Variants in PTPA observed in about 807,000 individuals in gnomAD.
PTPA encodes the protein protein phosphatase 2 phosphatase activator, also known as serine/threonine-protein phosphatase 2A activator.
Under a neutral mutation model 43.6 loss-of-function variants are expected in PTPA, and 13 were observed. That is an observed-to-expected ratio of 0.30 (90% CI 0.19 to 0.47). PTPA has a LOEUF of 0.47. Ranked by LOEUF, PTPA falls within the 20% of genes least tolerant of loss-of-function variation. The pLI, the probability that PTPA is intolerant of heterozygous loss-of-function variation, is 0.99. For synonymous variants in PTPA, 172 were observed against 158.2 expected (o/e 1.09, Z -0.66); for missense variants, 329 against 411.9 (o/e 0.80, Z 1.74).
chr9:129,140,579 C>T (rs1407201882), intron 8 of PTPA, among the ~76,000 whole-genome samples: 3 of 152,342 alleles, frequency 2.0e-5, no homozygotes, highest in Admixed American at 6.5e-5. Flanking sequence ...GGGCTCTTGT[C>T]TTCCAGTGCC....
At chr9:129,112,817 C>T (rs941480239) in intron 1 of PTPA, among the ~76,000 whole-genome samples, 4 of 152,014 alleles carry the variant, frequency 2.6e-5, no homozygotes, top group Non-Finnish European at 4.4e-5. Flanking sequence ...GACACACGCC[C>T]GTAATCCCAA....
intron 2 of PTPA, 101 bp from the exon 3 acceptor site, chr9:129,122,951 A>C (rs2131561760): frequency 1.2e-6 from 1 of 865,110 alleles, no homozygotes; most frequent in East Asian, 2.5e-5. Context: ...GGAGAAGTAG[A>C]AAGCTCGGAG....
intron 7 of PTPA, 130 bp from the exon 8 acceptor site, chr9:129,137,462 C>T: frequency 1.5e-6 from 1 of 655,980 alleles, no homozygotes; most frequent in Non-Finnish European, 2.7e-6. Flanking sequence ...ACTTATTGCT[C>T]CTTCAAGGTG....
At chr9:129,113,219 G>C (rs1263989183) in intron 1 of PTPA, among the ~76,000 whole-genome samples, 9 of 151,758 alleles carry the variant, frequency 5.9e-5, no homozygotes, top group Non-Finnish European at 1.0e-4. Flanking sequence ...TCAGCCTCCT[G>C]AGTAGCTGGG....
intron 7 of PTPA, among the ~76,000 whole-genome samples, chr9:129,137,241 C>T (rs1850432297): frequency 6.6e-6 from 1 of 152,180 alleles, no homozygotes; most frequent in Admixed American, 6.5e-5. Context: ...GAAGGGTCTG[C>T]CAGCATGAAG....
chr9:129,128,863 G>A, intron 3 of PTPA, 122 bp from the exon 4 acceptor site: 2 of 1,191,882 alleles, frequency 1.7e-6, no homozygotes, highest in Non-Finnish European at 2.4e-6. Context: ...AAGAGGGATG[G>A]GGGAGAGTTC....
intron 3 of PTPA, among the ~76,000 whole-genome samples, chr9:129,123,913 C>A (rs1849415039): frequency 6.6e-6 from 1 of 152,146 alleles, no homozygotes; most frequent in Non-Finnish European, 1.5e-5. Flanking sequence ...AAACTCCTGA[C>A]TTGAGGTGAT....
chr9:129,111,128 C>G, upstream of PTPA: 1 of 1,309,094 alleles, frequency 7.6e-7, no homozygotes, highest in Non-Finnish European at 1.0e-6. Flanking sequence ...GGAATGTCCT[C>G]TAATATTCCT....
rs1564208320 is a variant in PTPA, at chr9:129,147,731, G to A, written c.*267G>A. 3 of 462,800 alleles carry A rather than the reference G, an allele frequency of 6.5e-6. No individual in the cohort carries two copies. Among genetic ancestry groups the A allele is most frequent in the Non-Finnish European group, 1.2e-5 (3 of 251,594 alleles). 28.7% of individuals were successfully genotyped at this position (462,800 alleles called of 1,614,324 possible). Reference sequence around the variant, plus strand: ...GAGAGGGTCTGGGGCCTGGTCACTCGGCCACTCTCTCCTGTTTCTGGCCTC... The same window carrying A: ...GAGAGGGTCTGGGGCCTGGTCACTCAGCCACTCTCTCCTGTTTCTGGCCTC... On this transcript the variant is annotated 3_prime_UTR_variant, in exon 10 of 10. Coordinates refer to ENST00000393370, the MANE Select transcript of PTPA (RefSeq NM_178000.3).
At position 129,121,252 on chromosome 9, in the gene PTPA, G is replaced by A. The variant is rs1368038524; in HGVS notation, c.129+642G>A. Among the ~76,000 whole-genome samples the A allele has an allele frequency of 2.6e-5, 4 of 152,216 alleles. No individual in the cohort carries two copies. In the East Asian group the frequency reaches 7.7e-4, roughly 29 times the overall value. On this transcript the variant is annotated intron_variant, in intron 2 of 9. Transcript: ENST00000393370. ...TCCTGCTCCCGGCCTGGTGAGCTGG[G>A]CTGGAGAGTGTTGCTCATGCAGAAG...
chr9:129,124,613 T>C (rs1330461622), intron 3 of PTPA, among the ~76,000 whole-genome samples: 4 of 152,226 alleles, frequency 2.6e-5, no homozygotes, highest in Admixed American at 6.5e-5. Context: ...AGATACTGAT[T>C]GGCAGGTGTG....
upstream of PTPA, chr9:129,111,132 T>C: frequency 7.7e-7 from 1 of 1,301,442 alleles, no homozygotes. Flanking sequence ...TGTCCTCTAA[T>C]ATTCCTTGGG....
intron 9 of PTPA, among the ~76,000 whole-genome samples, chr9:129,146,457 G>A (rs1851309101): frequency 6.6e-6 from 1 of 152,244 alleles, no homozygotes; most frequent in South Asian, 2.1e-4. Flanking sequence ...TGGAGGTTAA[G>A]ATCACAGCCA....
chr9:129,123,096 T>C lies in PTPA; in HGVS notation c.174T>C (p.Gly58=). 1 of 1,612,210 alleles carries C rather than the reference T, an allele frequency of 6.2e-7. No individual in the cohort carries two copies. The highest frequency in any genetic ancestry group is 8.5e-7 in the Non-Finnish European group (1 of 1,178,922). ...YIGFILTLNE[G]VKGKKLTFEY... is the part of the protein sequence containing the mutation. ...GATTCATCCTTACCCTCAACGAAGG[T>C]GTGAAGGGGAAGAAGCTGACCTTCG... The change falls in exon 3 of 10, where the codon GGT becomes GGC. Residue 58 remains glycine (G), a synonymous_variant. Coordinates refer to ENST00000393370, the MANE Select transcript of PTPA (RefSeq NM_178000.3).
In PTPA at chr9:129,137,710, G is replaced by C; in HGVS notation, c.786+18G>C. ...TTACCGAGGTGAGGAGGAGGGGTGA[G>C]AGAGAAGCCCATGGCTGCCTCCAGG... On this transcript the variant is annotated intron_variant, in intron 8 of 9. Transcript: ENST00000393370. The C allele has an allele frequency of 6.4e-7, 1 of 1,567,398 alleles. No individual in the cohort carries two copies. Among genetic ancestry groups the C allele is most frequent in the Non-Finnish European group, 8.7e-7 (1 of 1,146,994 alleles).
intron 3 of PTPA, among the ~76,000 whole-genome samples, chr9:129,128,234 A>G (rs1325472757): frequency 1.3e-5 from 2 of 152,156 alleles, no homozygotes; most frequent in Non-Finnish European, 2.9e-5. Context: ...ACAGAAGGGT[A>G]TGTTAAAATG....
rs530974957 is a variant in PTPA at position 129,137,671 on chromosome 9, G to A, written c.765G>A (p.Glu255=). The change falls in exon 8 of 10, where the codon GAG becomes GAA. Residue 255 remains glutamate (E), a synonymous_variant. Transcript: ENST00000393370. ...NENHKDYMFL[E]CILFITEMKT... ...ACCACAAGGACTACATGTTCCTGGA[G>A]TGTATCCTGTTTATTACCGAGGTGA... is the stretch of plus-strand genomic sequence containing the variant. The A allele has an allele frequency of 1.9e-6, 3 of 1,609,650 alleles. 1 individual carries two copies. Among genetic ancestry groups the A allele is most frequent in the East Asian group, 4.5e-5 (2 of 44,836 alleles).
At chr9:129,137,999 C>G in intron 8 of PTPA, 2 of 353,058 alleles carry the variant, frequency 5.7e-6, no homozygotes, top group Non-Finnish European at 5.5e-6. Flanking sequence ...AGGGTCGGGG[C>G]GGGCGGAGGT....
At chr9:129,131,440 A>T (rs1226826693) in intron 4 of PTPA, 82 bp from the exon 5 acceptor site, 8 of 1,241,932 alleles carry the variant, frequency 6.4e-6, no homozygotes. Context: ...GTGGGCCCCC[A>T]GTCAGGTGCT....
Sources: allele counts gnomAD v4.1 joint callset (sites outside exome capture counted in the v4.1 genomes callset), GRCh38; gene constraint gnomAD v4.1.1; transcripts MANE v1.5; gene names NCBI Gene and HGNC (gene_info 2026-07-23, HGNC 2026-07-21).